EEIG2: variants seen among roughly 807,000 people sequenced by gnomAD.
The protein encoded by EEIG2 is EEIG family member 2.
the EEIG2 span, among the ~76,000 whole-genome samples, chr1:108,630,287 C>T: frequency 3.3e-5 from 5 of 152,226 alleles, no homozygotes; most frequent in African/African-American, 9.6e-5. Flanking sequence ...CACTGCCATA[C>T]ATATTAAAAC....
chr1:108,619,276 C>T, the EEIG2 span, among the ~76,000 whole-genome samples: 1 of 152,162 alleles, frequency 6.6e-6, no homozygotes, highest in Non-Finnish European at 1.5e-5. Context: ...AATAAGCAGA[C>T]ATTACCTAAT....
the EEIG2 span, among the ~76,000 whole-genome samples, chr1:108,574,257 C>CAA: frequency 1.6e-4 from 23 of 145,536 alleles, no homozygotes; most frequent in South Asian, 4.4e-4. Context: ...AAGCCAATCA[C>CAA]AAAAAAAAAA....
the EEIG2 span, among the ~76,000 whole-genome samples, chr1:108,579,845 T>A: frequency 9.8e-3 from 1,451 of 147,972 alleles, 23 homozygotes; most frequent in African/African-American, 0.034. Context: ...TGATGCATTC[T>A]TGGTTCACTG....
chr1:108,616,046 A>G, the EEIG2 span, among the ~76,000 whole-genome samples: 15 of 151,708 alleles, frequency 9.9e-5, no homozygotes, highest in African/African-American at 3.4e-4. Flanking sequence ...GATTTTTGCA[A>G]TTTTGAGGTT....
At chr1:108,595,685 A>G in the EEIG2 span, among the ~76,000 whole-genome samples, 13 of 145,506 alleles carry the variant, frequency 8.9e-5, no homozygotes, top group African/African-American at 3.3e-4. Context: ...AGGGAGGGAA[A>G]TGTAGTAGCT....
At chr1:108,579,527 T>C in the EEIG2 span, among the ~76,000 whole-genome samples, 8 of 147,026 alleles carry the variant, frequency 5.4e-5, no homozygotes, top group Admixed American at 2.7e-4. Flanking sequence ...ATTAGACAGA[T>C]CAACGAGACA....
the EEIG2 span, among the ~76,000 whole-genome samples, chr1:108,593,641 G>A: frequency 6.6e-6 from 1 of 152,168 alleles, no homozygotes; most frequent in Admixed American, 6.5e-5. Context: ...AGTCAAGCTG[G>A]TAGGTTACTT....
the EEIG2 span, chr1:108,629,961 C>CT: frequency 3.0e-6 from 1 of 336,784 alleles, no homozygotes; most frequent in African/African-American, 2.2e-5. Context: ...GAAAAGAGTT[C>CT]TTAGTCTTTC....
the EEIG2 span, among the ~76,000 whole-genome samples, chr1:108,572,820 T>A: frequency 6.6e-6 from 1 of 152,188 alleles, no homozygotes; most frequent in African/African-American, 2.4e-5. Context: ...GCTTTCACCA[T>A]GGTTTTGCCT....
chr1:108,588,228 G>A, the EEIG2 span, among the ~76,000 whole-genome samples: 14 of 152,226 alleles, frequency 9.2e-5, no homozygotes, highest in African/African-American at 3.4e-4. Context: ...TATATACCCA[G>A]ATGTGGAATT....
At chr1:108,611,400 GAGGAAAGACTAT>G in the EEIG2 span, among the ~76,000 whole-genome samples, 6 of 152,208 alleles carry the variant, frequency 3.9e-5, no homozygotes, top group Non-Finnish European at 2.9e-5. Context: ...AGCAACAACA[GAGGAAAGACTAT>G]AGGGCAACCT....
At chr1:108,586,508 A>G in the EEIG2 span, among the ~76,000 whole-genome samples, 2 of 152,168 alleles carry the variant, frequency 1.3e-5, no homozygotes, top group Non-Finnish European at 2.9e-5. Flanking sequence ...CAGTGTTGAA[A>G]TTAAACTTGA....
chr1:108,597,498 G>C, the EEIG2 span, among the ~76,000 whole-genome samples: 2 of 152,206 alleles, frequency 1.3e-5, no homozygotes, highest in Admixed American at 6.5e-5. Flanking sequence ...CAGGGAAGGA[G>C]AGGTCTGCAG....
At chr1:108,567,715 G>A in the EEIG2 span, among the ~76,000 whole-genome samples, 1 of 152,168 alleles carries the variant, frequency 6.6e-6, no homozygotes, top group Admixed American at 6.5e-5. Context: ...AAAATGCAGC[G>A]AGGCATTTTT....
chr1:108,593,812 TG>T, the EEIG2 span, among the ~76,000 whole-genome samples: 2 of 152,158 alleles, frequency 1.3e-5, no homozygotes, highest in African/African-American at 4.8e-5. Context: ...TGTTTTGTTT[TG>T]TTTGTTTTTT....
chr1:108,564,850 G>A, the EEIG2 span, among the ~76,000 whole-genome samples: 1 of 152,038 alleles, frequency 6.6e-6, no homozygotes, highest in African/African-American at 2.4e-5. Flanking sequence ...AGGAGGCTGA[G>A]GTAGGAGGAT....
At chr1:108,581,322 A>G in the EEIG2 span, among the ~76,000 whole-genome samples, 6 of 152,346 alleles carry the variant, frequency 3.9e-5, no homozygotes, top group Middle Eastern at 3.4e-3. Flanking sequence ...CATGCCTGCT[A>G]AAACAACATT....
the EEIG2 span, chr1:108,625,069 GGT>G: frequency 4.6e-6 from 1 of 215,446 alleles, no homozygotes; most frequent in Non-Finnish European, 9.3e-6. Context: ...CTGCCTCTCG[GGT>G]GTCGCTCCTC....
chr1:108,600,745 C>T, the EEIG2 span: 1 of 1,535,658 alleles, frequency 6.5e-7, no homozygotes, highest in Non-Finnish European at 8.9e-7. Context: ...TCCGTAGTCA[C>T]TGGCTGGCTT....
Sources: gnomAD v4.1 joint callset for allele counts (sites outside exome capture counted in the v4.1 genomes callset) on GRCh38, gnomAD v4.1.1 for gene constraint, MANE v1.5 for transcripts, NCBI Gene and HGNC (gene_info 2026-07-23, HGNC 2026-07-21) for gene names.